The following HERC1 variants were observed in gnomAD, a reference collection of about 807,000 sequenced individuals.
HERC1 encodes probable E3 ubiquitin-protein ligase HERC1.
A neutral mutation model predicts 554.3 loss-of-function variants in HERC1; 160 were observed. That is an observed-to-expected ratio of 0.29 (90% CI 0.25 to 0.33). HERC1 has a LOEUF of 0.33. Among genes scored for constraint, HERC1 ranks in the 10% least tolerant of loss-of-function variants. The pLI is 1.00. For synonymous variants in HERC1, 2,175 were observed against 2,131.7 expected (o/e 1.02, Z -0.56); for missense variants, 4,919 against 5,918.5 (o/e 0.83, Z 5.54).
In HERC1 at chr15:63,755,086, T is replaced by C. The variant is rs74019009; in HGVS notation, c.1630+143A>G. The C allele has an allele frequency of 0.022, 13,695 of 633,202 alleles. 230 individuals carry two copies. Among genetic ancestry groups the C allele is most frequent in the African/African-American group, 0.066 (3,625 of 54,702 alleles). 39.2% of individuals were successfully genotyped at this position (633,202 alleles called of 1,614,324 possible). On this transcript the variant is annotated intron_variant, in intron 6 of 77. Coordinates refer to ENST00000443617, the MANE Select transcript of HERC1 (RefSeq NM_003922.4). ...TCAGCACTAAAATCTAGGTCTTATC[T>C]ATATAAAATTATCTTCCTCTGAGCT...
chr15:63,666,215 A>C (rs2152949412), intron 41 of HERC1, 65 bp from the exon 42 acceptor site: 1 of 1,441,938 alleles, frequency 6.9e-7, no homozygotes, highest in South Asian at 1.2e-5. Context: ...ATGTTATAAG[A>C]GTGTTTGCTA....
At chr15:63,782,683 C>CTT (rs1372539865) in intron 1 of HERC1, among the ~76,000 whole-genome samples, 1 of 152,208 alleles carries the variant, frequency 6.6e-6, no homozygotes, top group African/African-American at 2.4e-5. Flanking sequence ...CTATAGCTGC[C>CTT]ACAGATAGTG....
chr15:63,830,658 T>G (rs2146159576), intron 1 of HERC1, among the ~76,000 whole-genome samples: 1 of 152,354 alleles, frequency 6.6e-6, no homozygotes. Flanking sequence ...TAGGGGGAGC[T>G]TGGTGAAGAG....
chr15:63,743,657 C>A (rs1334700500), intron 12 of HERC1, among the ~76,000 whole-genome samples: 2 of 152,178 alleles, frequency 1.3e-5, no homozygotes, highest in Non-Finnish European at 1.5e-5. Context: ...AGAATTTCTA[C>A]TTGATTCTTT....
chr15:63,728,511 T>C (rs947729794), intron 16 of HERC1, among the ~76,000 whole-genome samples: 1 of 152,222 alleles, frequency 6.6e-6, no homozygotes, highest in South Asian at 2.1e-4. Flanking sequence ...TTCCCTTCTT[T>C]CTTTTTTCAG....
At chr15:63,745,630 GGGA>G (rs1567080101) in intron 12 of HERC1, among the ~76,000 whole-genome samples, 1 of 152,206 alleles carries the variant, frequency 6.6e-6, no homozygotes, top group Non-Finnish European at 1.5e-5. Context: ...CTGCTGCAGG[GGGA>G]GGAGTGGCAC....
intron 37 of HERC1, 24 bp from the exon 38 acceptor site, chr15:63,675,141 C>A (rs1410915777): frequency 2.6e-6 from 4 of 1,544,378 alleles, no homozygotes; most frequent in Non-Finnish European, 3.5e-6. Flanking sequence ...CAGAATGACA[C>A]AGGAAGAAGC....
At chr15:63,642,172 G>T (rs1317865134) in intron 59 of HERC1, among the ~76,000 whole-genome samples, 1 of 152,072 alleles carries the variant, frequency 6.6e-6, no homozygotes, top group African/African-American at 2.4e-5. Context: ...ATCTTTAAGG[G>T]TATGAAAAAT....
At chr15:63,797,177 C>G (rs2076838662) in intron 1 of HERC1, among the ~76,000 whole-genome samples, 1 of 152,158 alleles carries the variant, frequency 6.6e-6, no homozygotes, top group Non-Finnish European at 1.5e-5. Flanking sequence ...CTTCATAAAA[C>G]TAATGAAAGG....
chr15:63,646,796 T>C (rs1443291286), intron 55 of HERC1, among the ~76,000 whole-genome samples: 2 of 148,490 alleles, frequency 1.3e-5, no homozygotes, highest in Admixed American at 1.3e-4. Context: ...TGACAGAGCA[T>C]GACTCCATCT....
In HERC1 at chr15:63,666,482, A is replaced by G; in HGVS notation, c.8207-10T>C. ...CTTGGGTCTGACAAGGCTGAGACAA[A>G]AGGAAGAGAAATAAGAACCTAAATA... On this transcript the variant is annotated splice_polypyrimidine_tract_variant and intron_variant, in intron 40 of 77. Coordinates refer to ENST00000443617, the MANE Select transcript of HERC1 (RefSeq NM_003922.4). 2 of 1,540,174 alleles carry G rather than the reference A, an allele frequency of 1.3e-6. No individual in the cohort carries two copies. Among genetic ancestry groups the G allele is most frequent in the Non-Finnish European group, 1.8e-6 (2 of 1,122,526 alleles).
At chr15:63,671,397 A>C (rs2070913612) in intron 39 of HERC1, among the ~76,000 whole-genome samples, 2 of 151,586 alleles carry the variant, frequency 1.3e-5, no homozygotes, top group South Asian at 4.2e-4. Flanking sequence ...AGTGAGAGAG[A>C]AAAAAAGAAT....
intron 1 of HERC1, among the ~76,000 whole-genome samples, chr15:63,820,069 A>G (rs1174586984): frequency 7.9e-5 from 12 of 152,322 alleles, no homozygotes; most frequent in Non-Finnish European, 1.6e-4. Context: ...CACAATGTAT[A>G]TATACTTCAA....
intron 46 of HERC1, 131 bp from the exon 47 acceptor site, chr15:63,660,067 C>T (rs2070270348): frequency 1.3e-6 from 1 of 754,414 alleles, no homozygotes; most frequent in Admixed American, 2.3e-5. Context: ...GCCTGTAATC[C>T]CAACACTCTG....
intron 44 of HERC1, among the ~76,000 whole-genome samples, chr15:63,662,331 CT>C (rs1209687854): frequency 6.6e-6 from 1 of 152,046 alleles, no homozygotes; most frequent in Non-Finnish European, 1.5e-5. Context: ...AAAAACTCCA[CT>C]AGTGAAAAGA....
At position 63,686,550 on chromosome 15, in the gene HERC1, G is replaced by A. The variant is rs978209733; in HGVS notation, c.6049-15C>T. ...TCGCCCTGCTTCTACCAGAAAAGAA[G>A]CTGGGTCAGCATTTTGGAATAATCC... On this transcript the variant is annotated splice_polypyrimidine_tract_variant and intron_variant, in intron 33 of 77. Transcript: ENST00000443617. The A allele has an allele frequency of 2.5e-6, 4 of 1,607,556 alleles. No individual in the cohort carries two copies. The highest frequency in any genetic ancestry group is 2.5e-6 in the Non-Finnish European group (3 of 1,177,466).
Position 63,695,993 on chromosome 15 carries a change from G to T in HERC1, c.5121+131C>A, listed in dbSNP as rs541732051. On this transcript the variant is annotated intron_variant, in intron 27 of 77. Coordinates refer to ENST00000443617, the MANE Select transcript of HERC1 (RefSeq NM_003922.4). ...TGCATTATTTAGGAAATGGAACCAAGGAGCTATCTTAAAAAATTTAAAGTC... is the reference window on the plus strand; with the variant it reads ...TGCATTATTTAGGAAATGGAACCAATGAGCTATCTTAAAAAATTTAAAGTC... 46 of 649,946 alleles carry T rather than the reference G, an allele frequency of 7.1e-5. No homozygotes were observed. The East Asian group carries it at 1.2e-3, about 17-fold the overall frequency. The allele number at this position is 649,946 out of a possible 1,614,324, so 40.3% of individuals were successfully genotyped here. A position where few individuals can be genotyped will look rare whatever the true frequency, so the allele number is the denominator to read the frequency against.
chr15:63,821,011 T>C (rs1212221375), intron 1 of HERC1, among the ~76,000 whole-genome samples: 4 of 152,250 alleles, frequency 2.6e-5, no homozygotes, highest in Admixed American at 2.6e-4. Flanking sequence ...CGATGAACAA[T>C]TATATGCTCT....
intron 12 of HERC1, among the ~76,000 whole-genome samples, chr15:63,737,516 GATATATATATATATATATATATATATAT>G (rs754808106): frequency 2.2e-5 from 1 of 46,418 alleles, no homozygotes; most frequent in East Asian, 1.4e-3. Context: ...CTTTTTTCCA[GATATATATATATATATATATATATATAT>G]ATATCTTTTT....
Sources: allele counts gnomAD v4.1 joint callset (sites outside exome capture counted in the v4.1 genomes callset), GRCh38; gene constraint gnomAD v4.1.1; transcripts MANE v1.5; gene names NCBI Gene and HGNC (gene_info 2026-07-23, HGNC 2026-07-21).